STAG1: variants seen among roughly 807,000 people sequenced by gnomAD.
The protein encoded by STAG1 is cohesin subunit SA-1.
Under a neutral mutation model 170.9 loss-of-function variants are expected in STAG1, and 26 were observed. That is an observed-to-expected ratio of 0.15 (90% CI 0.11 to 0.21). The LOEUF is 0.21. Among genes scored for constraint, STAG1 ranks in the 10% least tolerant of loss-of-function variants. The pLI, the probability that STAG1 is intolerant of heterozygous loss-of-function variation, is 1.00. For missense variants in STAG1, 964 were observed against 1,509.5 expected, an observed-to-expected ratio of 0.64 and a Z score of 5.99; for synonymous variants, 514 against 497.7, an observed-to-expected ratio of 1.03 and a Z score of -0.44.
At chr3:136,653,098 C>T (rs1346142861) in intron 1 of STAG1, among the ~76,000 whole-genome samples, 5 of 152,016 alleles carry the variant, frequency 3.3e-5, no homozygotes, top group Non-Finnish European at 1.5e-5. Flanking sequence ...CATAGAGAAA[C>T]CCTGTCTCTA....
chr3:136,355,137 G>C (rs1333809093), intron 28 of STAG1, among the ~76,000 whole-genome samples: 1 of 151,864 alleles, frequency 6.6e-6, no homozygotes, highest in African/African-American at 2.4e-5. Context: ...CAGATTACTT[G>C]AGATCAAGAG....
chr3:136,665,003 G>A (rs1941707383), intron 1 of STAG1, among the ~76,000 whole-genome samples: 1 of 152,218 alleles, frequency 6.6e-6, no homozygotes. Flanking sequence ...AAATGTAGTG[G>A]AGTTTCTCCA....
intron 1 of STAG1, among the ~76,000 whole-genome samples, chr3:136,702,097 G>C (rs1474640208): frequency 9.8e-6 from 1 of 101,758 alleles, no homozygotes. Context: ...GAGAGAGAGA[G>C]AGAGAGAGAG....
At position 136,376,002 on chromosome 3, in the gene STAG1, A is replaced by AAATAAATAAATG. The variant is rs1387446044; in HGVS notation, c.2370+1657_2370+1658insCATTTATTTATT. 3.3e-3 allele frequency among the ~76,000 whole-genome samples: 442 copies of AAATAAATAAATG among 134,480 alleles called. 2 individuals carry two copies. The highest frequency in any genetic ancestry group is 0.013 in the African/African-American group (436 of 34,646). 88.2% of individuals were successfully genotyped at this position (134,480 alleles called of 152,430 possible). On this transcript the variant is annotated intron_variant, in intron 23 of 33. Coordinates refer to ENST00000383202, the MANE Select transcript of STAG1 (RefSeq NM_005862.3). ...TAAATAAATAAATAAATAAATAAAT[A>AAATAAATAAATG]AATAAATAATTAACAAAATAAAATA... is the stretch of plus-strand genomic sequence containing the variant.
Position 136,710,456 on chromosome 3 carries a change from T to C in STAG1, c.-84+41739A>G, listed in dbSNP as rs559286656. Reference sequence around the variant, plus strand: ...GGTTCAAGTATTCAGAAATAAGCATTTTTCTGTCTCTCTCACACACAACAC... The same window carrying C: ...GGTTCAAGTATTCAGAAATAAGCATCTTTCTGTCTCTCTCACACACAACAC... On this transcript the variant is annotated intron_variant, in intron 1 of 33. Coordinates refer to ENST00000383202, the MANE Select transcript of STAG1 (RefSeq NM_005862.3). Among the ~76,000 whole-genome samples the C allele has an allele frequency of 6.8e-4, 104 of 152,270 alleles. No individual in the cohort carries two copies. In the Middle Eastern group the frequency reaches 0.01, roughly 15 times the overall value.
At chr3:136,689,053 G>C (rs1297375228) in intron 1 of STAG1, among the ~76,000 whole-genome samples, 2 of 152,198 alleles carry the variant, frequency 1.3e-5, no homozygotes, top group Non-Finnish European at 2.9e-5. Context: ...CAGAAAAGCA[G>C]ATTCTTTATG....
At chr3:136,464,512 T>C (rs2089395350) in intron 13 of STAG1, among the ~76,000 whole-genome samples, 2 of 152,110 alleles carry the variant, frequency 1.3e-5, no homozygotes, top group African/African-American at 4.8e-5. Flanking sequence ...GTGATACTGC[T>C]TCAAATTTAG....
chr3:136,744,484 T>G lies in STAG1; in HGVS notation c.-84+7711A>C, dbSNP rs185958245. Among the ~76,000 whole-genome samples, 586 of 152,250 alleles carry G rather than the reference T, an allele frequency of 3.8e-3. 4 individuals are homozygous for G. The highest frequency in any genetic ancestry group is 0.014 in the African/African-American group (561 of 41,536). On this transcript the variant is annotated intron_variant, in intron 1 of 33. Transcript: ENST00000383202. ...ACTGCTGACAAAAGTGAGAATGTAA[T>G]TTCTCTACATTCTCACCAATACTTG... is the stretch of plus-strand genomic sequence containing the variant.
Position 136,343,929 on chromosome 3 carries a change from G to A in STAG1, c.3349C>T (p.Leu1117Phe). 1 of 1,612,410 alleles carries A rather than the reference G, an allele frequency of 6.2e-7. No homozygotes were observed. The highest frequency in any genetic ancestry group is 8.5e-7 in the Non-Finnish European group (1 of 1,179,278). The part of the protein sequence containing the change: ...QTPGPLPAPQ[L>F]TSTVLRENSR... ...TTCTCCCGCAGTACAGTGGATGTGA[G>A]TTGTGGTGCTGGCAGGGGGCCAGGA... is the stretch of plus-strand genomic sequence containing the variant. The change falls in exon 30 of 34, where the codon CTC becomes TTC. Residue 1117 changes from leucine to phenylalanine, a missense_variant. Coordinates refer to ENST00000383202, the MANE Select transcript of STAG1 (RefSeq NM_005862.3).
intron 6 of STAG1, among the ~76,000 whole-genome samples, chr3:136,528,598 G>A (rs916526749): frequency 6.7e-6 from 1 of 148,294 alleles, no homozygotes; most frequent in Non-Finnish European, 1.5e-5. Flanking sequence ...CAATACAGAG[G>A]AGTCAGCAAA....
chr3:136,409,900 G>A (rs1045671084), intron 21 of STAG1, among the ~76,000 whole-genome samples: 5 of 151,082 alleles, frequency 3.3e-5, no homozygotes, highest in African/African-American at 9.7e-5. Flanking sequence ...GCAACATAGC[G>A]AGACCCCATC....
intron 1 of STAG1, among the ~76,000 whole-genome samples, chr3:136,741,678 C>T (rs548342175): frequency 4.8e-4 from 73 of 152,208 alleles, no homozygotes; most frequent in Non-Finnish European, 2.8e-4. Context: ...ACGTTGGTCA[C>T]GCTGGTCTTG....
At chr3:136,381,707 G>A (rs1022548431) in intron 22 of STAG1, among the ~76,000 whole-genome samples, 1 of 152,216 alleles carries the variant, frequency 6.6e-6, no homozygotes, top group African/African-American at 2.4e-5. Flanking sequence ...TAGAAAAGAT[G>A]TGAGAATGTT....
intron 7 of STAG1, among the ~76,000 whole-genome samples, chr3:136,516,972 A>T (rs1409620873): frequency 6.6e-6 from 1 of 152,218 alleles, no homozygotes; most frequent in Non-Finnish European, 1.5e-5. Flanking sequence ...AAAAGACTTC[A>T]ATTTTCTGAG....
At chr3:136,537,271 TTGC>T (rs1307482904) in intron 6 of STAG1, among the ~76,000 whole-genome samples, 2 of 152,176 alleles carry the variant, frequency 1.3e-5, no homozygotes, top group African/African-American at 4.8e-5. Context: ...AAGAAATTAA[TTGC>T]TGCTAATATT....
chr3:136,701,286 G>A (rs576673274), intron 1 of STAG1, among the ~76,000 whole-genome samples: 4 of 152,080 alleles, frequency 2.6e-5, no homozygotes. Context: ...AACTTATCAG[G>A]AAAAACATAT....
At chr3:136,672,788 C>T (rs1942016063) in intron 1 of STAG1, among the ~76,000 whole-genome samples, 1 of 152,070 alleles carries the variant, frequency 6.6e-6, no homozygotes, top group African/African-American at 2.4e-5. Flanking sequence ...ATTCATACAG[C>T]AGGTAAAGTT....
intron 3 of STAG1, among the ~76,000 whole-genome samples, chr3:136,615,777 C>CAA (rs35492234): frequency 0.096 from 12,558 of 130,922 alleles, 1,856 homozygotes; most frequent in African/African-American, 0.33. Flanking sequence ...GACTCCAAAT[C>CAA]AAAAAAAAAA....
chr3:136,608,766 T>C (rs1251315672), intron 3 of STAG1, among the ~76,000 whole-genome samples: 1 of 142,406 alleles, frequency 7.0e-6, no homozygotes, highest in Non-Finnish European at 1.5e-5. Context: ...ATTGTAGCAC[T>C]GTACTCCTGA....
Sources: gnomAD v4.1 joint callset for allele counts (sites outside exome capture counted in the v4.1 genomes callset) on GRCh38, gnomAD v4.1.1 for gene constraint, MANE v1.5 for transcripts, NCBI Gene and HGNC (gene_info 2026-07-23, HGNC 2026-07-21) for gene names.